TPH2: variants seen among roughly 807,000 people sequenced by gnomAD.
TPH2 encodes the protein tryptophan 5-hydroxylase 2.
TPH2 carries 27 observed loss-of-function variants against 59.1 expected under a neutral mutation model. The observed-to-expected ratio is 0.46, with a 90% CI of 0.34 to 0.63. The LOEUF (loss-of-function observed/expected upper bound fraction) is 0.63. TPH2 is among the 30% of genes least tolerant of loss of function. The pLI, the probability that TPH2 is intolerant of heterozygous loss-of-function variation, is 0.01. For synonymous variants in TPH2, 220 were observed against 210.5 expected, an observed-to-expected ratio of 1.05 and a Z score of -0.39; for missense variants, 523 against 588.3, an observed-to-expected ratio of 0.89 and a Z score of 1.15.
At chr12:71,959,710 C>T (rs1018751008) in intron 5 of TPH2, among the ~76,000 whole-genome samples, 1 of 151,762 alleles carries the variant, frequency 6.6e-6, no homozygotes, top group African/African-American at 2.4e-5. Context: ...TTTAGATAGG[C>T]GAATCTTAAT....
Position 71,978,990 on chromosome 12 carries a change from C to A in TPH2, c.844C>A (p.Leu282Met), listed in dbSNP as rs760355133. 1 of 1,614,052 alleles carries A rather than the reference C, an allele frequency of 6.2e-7. No homozygotes were observed. The change falls in exon 7 of 11, where the codon CTG (leucine) becomes ATG (methionine). Residue 282 changes from leucine to methionine, a missense_variant. Coordinates refer to ENST00000333850, the MANE Select transcript of TPH2 (RefSeq NM_173353.4). ...CACGGTGAGGCCGGTGGCTGGATAC[C>A]TGAGCCCACGAGACTTTCTGGCAGG... ...GFTVRPVAGY[L>M]SPRDFLAGLA...
intron 8 of TPH2, among the ~76,000 whole-genome samples, chr12:71,995,464 A>T (rs1397505176): frequency 6.6e-6 from 1 of 152,242 alleles, no homozygotes; most frequent in Non-Finnish European, 1.5e-5. Flanking sequence ...ATATGCAGGA[A>T]TATTCTTCAT....
chr12:71,997,450 A>G (rs1872721846), intron 8 of TPH2, among the ~76,000 whole-genome samples: 1 of 152,228 alleles, frequency 6.6e-6, no homozygotes, highest in Admixed American at 6.5e-5. Flanking sequence ...AAAAATGAAT[A>G]CTCATACCTT....
chr12:71,949,575 T>C lies in TPH2; in HGVS notation c.541-13T>C, dbSNP rs186173522. On this transcript the variant is annotated splice_polypyrimidine_tract_variant and intron_variant, in intron 4 of 10. Transcript: ENST00000333850. ...GCACTTTGTTAAATAACTTAATCTT[T>C]TTTGTGTTTAAGGGATTTAAGGACA... 3 of 1,610,356 alleles carry C rather than the reference T, an allele frequency of 1.9e-6. No homozygotes were observed. The East Asian group carries it at 6.7e-5, about 36-fold the overall frequency.
intron 1 of TPH2, among the ~76,000 whole-genome samples, chr12:71,939,817 G>A (rs1336296467): frequency 6.6e-6 from 1 of 152,058 alleles, no homozygotes; most frequent in African/African-American, 2.4e-5. Context: ...TAAAAACCAC[G>A]AAATAAAAAT....
At chr12:72,016,365 G>A (rs975963618) in intron 8 of TPH2, among the ~76,000 whole-genome samples, 1 of 152,106 alleles carries the variant, frequency 6.6e-6, no homozygotes, top group Non-Finnish European at 1.5e-5. Context: ...GGGTTGGGCT[G>A]CTTTTTGGAC....
chr12:72,016,960 C>G (rs1326149609), intron 8 of TPH2, among the ~76,000 whole-genome samples: 1 of 151,966 alleles, frequency 6.6e-6, no homozygotes, highest in African/African-American at 2.4e-5. Context: ...AGGAGGGAGG[C>G]AAAAGGGCCC....
At chr12:71,957,620 G>A (rs1180006948) in intron 5 of TPH2, among the ~76,000 whole-genome samples, 1 of 152,174 alleles carries the variant, frequency 6.6e-6, no homozygotes, top group Non-Finnish European at 1.5e-5. Flanking sequence ...ATAATTGTAA[G>A]CCACTGCACC....
chr12:71,998,931 G>A (rs1205016959), intron 8 of TPH2, among the ~76,000 whole-genome samples: 28 of 152,168 alleles, frequency 1.8e-4, no homozygotes. Flanking sequence ...TATTATTAAT[G>A]ACTCTTTTTC....
intron 6 of TPH2, among the ~76,000 whole-genome samples, chr12:71,974,559 G>A (rs527457063): frequency 5.9e-5 from 9 of 152,120 alleles, no homozygotes; most frequent in African/African-American, 1.4e-4. Flanking sequence ...GGCCCCACCC[G>A]AATTATCTAG....
At chr12:71,995,491 G>T (rs1872672124) in intron 8 of TPH2, among the ~76,000 whole-genome samples, 3 of 152,156 alleles carry the variant, frequency 2.0e-5, no homozygotes, top group Admixed American at 1.3e-4. Context: ...CCAGAAATAA[G>T]TTTTCTCCTA....
At chr12:72,014,113 T>A (rs1321801084) in intron 8 of TPH2, among the ~76,000 whole-genome samples, 1 of 152,186 alleles carries the variant, frequency 6.6e-6, no homozygotes, top group East Asian at 1.9e-4. Flanking sequence ...CTGTGAATGC[T>A]TGATTAGTGG....
rs150939353 is a variant in TPH2, at chr12:71,976,941, G to A, written c.806-2011G>A. On this transcript the variant is annotated intron_variant, in intron 6 of 10. Coordinates refer to ENST00000333850, the MANE Select transcript of TPH2 (RefSeq NM_173353.4). ...TTGGAAAAGTTAAATACACAGAAGC[G>A]AAGAATAGAACAGTGGTTACAAGGG... Among the ~76,000 whole-genome samples, 409 of 152,332 alleles carry A rather than the reference G, an allele frequency of 2.7e-3. 4 individuals carry two copies. Among genetic ancestry groups the A allele is most frequent in the Middle Eastern group, 0.024 (7 of 294 alleles).
chr12:71,982,885 G>A lies in TPH2; in HGVS notation c.941+3798G>A, dbSNP rs138115311. Among the ~76,000 whole-genome samples the A allele has an allele frequency of 4.7e-4, 72 of 152,324 alleles. No homozygotes were observed. In the East Asian group the frequency reaches 0.011, roughly 24 times the overall value. On this transcript the variant is annotated intron_variant, in intron 7 of 10. Coordinates refer to ENST00000333850, the MANE Select transcript of TPH2 (RefSeq NM_173353.4). ...ATTTTCCCTTTCAGTCTGGTAGAAT[G>A]TATTTTGCCATCAGAGCTTTCAACA...
chr12:71,967,012 T>C (rs188913341), intron 5 of TPH2, among the ~76,000 whole-genome samples: 2 of 152,106 alleles, frequency 1.3e-5, no homozygotes, highest in Admixed American at 6.5e-5. Flanking sequence ...GAGGAGAAGA[T>C]CAAATAATAG....
chr12:71,991,110 C>T (rs952534162), intron 7 of TPH2, among the ~76,000 whole-genome samples: 7 of 152,172 alleles, frequency 4.6e-5, no homozygotes, highest in East Asian at 1.9e-4. Context: ...CTGATAATGA[C>T]GTCTTAACAC....
chr12:71,970,781 ATTT>A (rs923188886), intron 5 of TPH2, among the ~76,000 whole-genome samples: 1 of 152,132 alleles, frequency 6.6e-6, no homozygotes, highest in Non-Finnish European at 1.5e-5. Context: ...CCAGGTTGTA[ATTT>A]TTTATTTGTT....
intron 5 of TPH2, among the ~76,000 whole-genome samples, chr12:71,958,944 A>G (rs533936552): frequency 1.3e-5 from 2 of 152,280 alleles, no homozygotes; most frequent in African/African-American, 4.8e-5. Context: ...AGGCACATTC[A>G]ATTTGGGTGA....
At chr12:71,974,949 A>T (rs1176306143) in intron 6 of TPH2, among the ~76,000 whole-genome samples, 1 of 151,918 alleles carries the variant, frequency 6.6e-6, no homozygotes, top group Non-Finnish European at 1.5e-5. Flanking sequence ...GGACTGGCAA[A>T]TTTTTTTTGT....
Sources: allele counts gnomAD v4.1 joint callset (sites outside exome capture counted in the v4.1 genomes callset), GRCh38; gene constraint gnomAD v4.1.1; transcripts MANE v1.5; gene names NCBI Gene and HGNC (gene_info 2026-07-23, HGNC 2026-07-21).